Variants in XYLB observed in about 807,000 individuals in gnomAD.
XYLB encodes xylulose kinase.
In XYLB, 62 loss-of-function variants were observed where a neutral mutation model predicts 78.7. The observed-to-expected ratio is 0.79, with a 90% CI of 0.64 to 0.97. The LOEUF is 0.97. Ranked by LOEUF, XYLB falls within the 50% of genes least tolerant of loss-of-function variation. The pLI, the probability that XYLB is intolerant of heterozygous loss-of-function variation, is 0.00. For synonymous variants in XYLB, 245 were observed against 247.4 expected, an observed-to-expected ratio of 0.99 and a Z score of 0.09; for missense variants, 687 against 676.8, an observed-to-expected ratio of 1.02 and a Z score of -0.17.
downstream of XYLB, among the ~76,000 whole-genome samples, chr3:38,424,767 G>C (rs1357126931): frequency 2.0e-5 from 3 of 152,316 alleles, no homozygotes; most frequent in East Asian, 5.8e-4. Flanking sequence ...ATTTCATGCA[G>C]ATAAACAACT....
the XYLB span, among the ~76,000 whole-genome samples, chr3:38,436,784 A>T: frequency 6.6e-6 from 1 of 152,040 alleles, no homozygotes; most frequent in Non-Finnish European, 1.5e-5. Flanking sequence ...CAGGCAGATC[A>T]CCTGAGGTCA....
chr3:38,366,373 C>T (rs896302389), intron 6 of XYLB, among the ~76,000 whole-genome samples: 2 of 152,132 alleles, frequency 1.3e-5, no homozygotes, highest in South Asian at 4.1e-4. Context: ...CAGGGTTGTC[C>T]AGTCCTGATG....
At chr3:38,452,533 C>G in the XYLB span, 5 of 152,130 alleles carry the variant, frequency 3.3e-5, no homozygotes, top group Non-Finnish European at 7.3e-5. Context: ...CTCCTGTGTT[C>G]AAGCGATTCT....
intron 15 of XYLB, among the ~76,000 whole-genome samples, chr3:38,383,597 C>A (rs549012529): frequency 6.6e-6 from 1 of 152,108 alleles, no homozygotes; most frequent in Admixed American, 6.5e-5. Flanking sequence ...AACAGAGAGA[C>A]CATATCTTCA....
chr3:38,377,013 G>C (rs372567533), intron 14 of XYLB, 22 bp downstream of exon 14: 47 of 1,598,990 alleles, frequency 2.9e-5, no homozygotes, highest in Non-Finnish European at 3.9e-5. Context: ...GTTGGTGTTG[G>C]AGTTACATTG....
intron 4 of XYLB, 41 bp downstream of exon 4, chr3:38,363,058 T>A (rs1456078589): frequency 6.9e-6 from 10 of 1,439,720 alleles, no homozygotes; most frequent in Non-Finnish European, 9.2e-6. Flanking sequence ...TGAGGGTGAC[T>A]GTCCTGGGCA....
At chr3:38,451,787 T>G in the XYLB span, 16 of 152,240 alleles carry the variant, frequency 1.1e-4, no homozygotes, top group African/African-American at 3.4e-4. Flanking sequence ...TGAGGACTTC[T>G]GCTTTGGCTA....
chr3:38,379,743 C>T (rs369689639), intron 15 of XYLB, among the ~76,000 whole-genome samples: 2 of 152,142 alleles, frequency 1.3e-5, no homozygotes, highest in Admixed American at 6.5e-5. Context: ...GGTCCCATTG[C>T]CTGTGGGACA....
downstream of XYLB, among the ~76,000 whole-genome samples, chr3:38,425,477 G>A (rs1444190945): frequency 6.6e-6 from 1 of 152,214 alleles, no homozygotes; most frequent in Admixed American, 6.5e-5. Flanking sequence ...ATAGGACTCT[G>A]CACATACAAC....
At chr3:38,401,804 A>G (rs1157311643) in intron 18 of XYLB, among the ~76,000 whole-genome samples, 6 of 152,124 alleles carry the variant, frequency 3.9e-5, no homozygotes, top group Admixed American at 2.0e-4. Flanking sequence ...CCCGAGGTGA[A>G]TCTGGATGGC....
chr3:38,386,983 A>G (rs1707408471), intron 15 of XYLB, among the ~76,000 whole-genome samples: 1 of 152,244 alleles, frequency 6.6e-6, no homozygotes, highest in Non-Finnish European at 1.5e-5. Context: ...GTTTCAGATA[A>G]GAAATTAACT....
At chr3:38,402,157 A>G (rs1708146698) in intron 18 of XYLB, among the ~76,000 whole-genome samples, 1 of 152,170 alleles carries the variant, frequency 6.6e-6, no homozygotes, top group Non-Finnish European at 1.5e-5. Context: ...TGATACAACT[A>G]AATGATCCCG....
At chr3:38,404,320 G>A (rs1437353709) in intron 18 of XYLB, among the ~76,000 whole-genome samples, 3 of 152,184 alleles carry the variant, frequency 2.0e-5, no homozygotes, top group Admixed American at 6.5e-5. Flanking sequence ...CAGAACATCA[G>A]CTGTGTCACC....
intron 2 of XYLB, among the ~76,000 whole-genome samples, chr3:38,358,135 T>G (rs1705762848): frequency 6.9e-6 from 1 of 145,470 alleles, no homozygotes; most frequent in South Asian, 2.2e-4. Flanking sequence ...TTCACTAAAA[T>G]AATTGGAAAA....
chr3:38,441,415 A>G, the XYLB span, among the ~76,000 whole-genome samples: 1 of 152,230 alleles, frequency 6.6e-6, no homozygotes, highest in South Asian at 2.1e-4. Context: ...TTAGCCACAA[A>G]TGAACTTCCA....
chr3:38,348,464 G>A (rs1705186435), intron 1 of XYLB, 86 bp from the exon 2 acceptor site: 4 of 1,278,316 alleles, frequency 3.1e-6, no homozygotes, highest in South Asian at 1.2e-5. Context: ...TAGGGTGTGG[G>A]GCCTCATCTG....
At chr3:38,400,386 C>T (rs1452385611) in intron 17 of XYLB, among the ~76,000 whole-genome samples, 1 of 152,152 alleles carries the variant, frequency 6.6e-6, no homozygotes, top group Admixed American at 6.5e-5. Flanking sequence ...AGGAGGGCCT[C>T]CTGAGCAAGT....
intron 18 of XYLB, 55 bp downstream of exon 18, chr3:38,401,040 G>T (rs542104678): frequency 2.7e-5 from 41 of 1,528,424 alleles, no homozygotes; most frequent in African/African-American, 9.6e-5. Context: ...GCCCGCTAGG[G>T]TTTTTTCCCC....
At chr3:38,407,754 CT>C (rs1303674916) in intron 18 of XYLB, among the ~76,000 whole-genome samples, 1 of 151,886 alleles carries the variant, frequency 6.6e-6, no homozygotes, top group Non-Finnish European at 1.5e-5. Flanking sequence ...ATAAAACAGA[CT>C]TTAAACCAAC....
Sources: gnomAD v4.1 joint callset for allele counts (sites outside exome capture counted in the v4.1 genomes callset) on GRCh38, gnomAD v4.1.1 for gene constraint, MANE v1.5 for transcripts, NCBI Gene and HGNC (gene_info 2026-07-23, HGNC 2026-07-21) for gene names.